Variants in GYS2 observed in about 807,000 individuals in gnomAD.
GYS2 encodes glycogen synthase 2, also known as glycogen [starch] synthase, liver.
In GYS2, 80 loss-of-function variants were observed where a neutral mutation model predicts 85.6. The observed-to-expected ratio is 0.93, with a 90% confidence interval of 0.78 to 1.13. The LOEUF is 1.13. Among genes scored for constraint, GYS2 ranks in the 50% most tolerant of loss-of-function variants. GYS2 has a pLI of 0.00. For missense variants in GYS2, 881 were observed against 854.9 expected, an observed-to-expected ratio of 1.03 and a Z score of -0.38; for synonymous variants, 328 against 300.7, an observed-to-expected ratio of 1.09 and a Z score of -0.94.
At position 21,552,345 on chromosome 12, in the gene GYS2, A is replaced by T. The variant is rs192665289; in HGVS notation, c.1422+5855T>A. Among the ~76,000 whole-genome samples, 613 of 152,338 alleles carry T rather than the reference A, an allele frequency of 4.0e-3. 6 individuals carry two copies. Among genetic ancestry groups the T allele is most frequent in the Middle Eastern group, 0.01 (3 of 294 alleles). ...CACTACGTAGCTAAGGCAAAATGAT[A>T]AATAAATTCAAATTCAAAATGATCT... On this transcript the variant is annotated intron_variant, in intron 11 of 15. Transcript: ENST00000261195.
Position 21,559,639 on chromosome 12 carries a change from T to G in GYS2, c.1229+12A>C. On this transcript the variant is annotated intron_variant, in intron 9 of 15. Coordinates refer to ENST00000261195, the MANE Select transcript of GYS2 (RefSeq NM_021957.4). The stretch of plus-strand genomic sequence containing the variant: ...TTAAGTGATTGAAGTAGAAAGCATT[T>G]CAAGCACCTACCTTAATAATGCATC... 7.0e-7 allele frequency: 1 copy of G among 1,433,356 alleles called. No individual in the cohort carries two copies. The highest frequency in any genetic ancestry group is 9.9e-7 in the Non-Finnish European group (1 of 1,014,576). The allele number at this position is 1,433,356 out of a possible 1,614,324, so 88.8% of individuals were successfully genotyped here.
chr12:21,559,045 G>C (rs1275591943), intron 10 of GYS2, 46 bp downstream of exon 10: 2 of 1,083,172 alleles, frequency 1.8e-6, no homozygotes, highest in Non-Finnish European at 2.8e-6. Flanking sequence ...TGATTAGATA[G>C]AATTTAATAA....
At chr12:21,592,733 G>C (rs1252995843) in intron 1 of GYS2, among the ~76,000 whole-genome samples, 1 of 152,010 alleles carries the variant, frequency 6.6e-6, no homozygotes, top group African/African-American at 2.4e-5. Context: ...AGATCATCTA[G>C]ACAGAAAATT....
At chr12:21,579,387 T>C (rs7977593) in intron 2 of GYS2, among the ~76,000 whole-genome samples, 139,151 of 143,252 alleles carry the variant, frequency 0.97, 67,740 homozygotes, top group East Asian at 1. Context: ...AAGTTTCACT[T>C]TTGTTGCCCA....
intron 1 of GYS2, among the ~76,000 whole-genome samples, chr12:21,600,250 G>A (rs1034900267): frequency 6.6e-6 from 1 of 152,078 alleles, no homozygotes; most frequent in Admixed American, 6.6e-5. Context: ...AGCCTCTCAG[G>A]TAGCTAGGAC....
chr12:21,562,871 A>C, intron 7 of GYS2, 47 bp downstream of exon 7: 1 of 1,607,106 alleles, frequency 6.2e-7, no homozygotes, highest in Non-Finnish European at 8.5e-7. Flanking sequence ...CCACAGAAGA[A>C]AGTTCTCCCT....
At chr12:21,554,001 C>G (rs912238821) in intron 11 of GYS2, among the ~76,000 whole-genome samples, 3 of 152,072 alleles carry the variant, frequency 2.0e-5, no homozygotes, top group African/African-American at 7.2e-5. Context: ...CACTGCTTTT[C>G]CCCTGTGTGA....
At chr12:21,570,438 G>A (rs1027445773) in intron 4 of GYS2, among the ~76,000 whole-genome samples, 3 of 152,284 alleles carry the variant, frequency 2.0e-5, no homozygotes, top group Non-Finnish European at 2.9e-5. Flanking sequence ...GCTGAAGGTA[G>A]GCAAAATTAT....
At chr12:21,576,134 A>G in intron 2 of GYS2, 77 bp from the exon 3 acceptor site, 1 of 1,162,982 alleles carries the variant, frequency 8.6e-7, no homozygotes, top group Non-Finnish European at 1.3e-6. Context: ...CTCTGAGGAT[A>G]TAAACTTTAT....
intron 11 of GYS2, among the ~76,000 whole-genome samples, chr12:21,552,657 G>A (rs147954008): frequency 8.3e-4 from 127 of 152,286 alleles, no homozygotes; most frequent in African/African-American, 2.9e-3. Context: ...GATAATAAAT[G>A]AGCATCTCAA....
chr12:21,540,269 ATT>A lies in GYS2; in HGVS notation c.1809+139_1809+140del, dbSNP rs1228932950. On this transcript the variant is annotated intron_variant, in intron 14 of 15. Coordinates refer to ENST00000261195, the MANE Select transcript of GYS2 (RefSeq NM_021957.4). The stretch of plus-strand genomic sequence containing the variant: ...ATATAGGACTTTGTAAACTTATTAA[ATT>A]TTAAAAAGTACATGGAGACACTGAG... 6.1e-6 allele frequency: 5 copies of A among 817,112 alleles called. No individual in the cohort carries two copies. In the East Asian group the frequency reaches 1.2e-4, roughly 20 times the overall value. The allele number at this position is 817,112 out of a possible 1,614,324, so 50.6% of individuals were successfully genotyped here.
At chr12:21,558,352 G>A (rs756336986) in intron 10 of GYS2, 39 bp from the exon 11 acceptor site, 2 of 1,258,630 alleles carry the variant, frequency 1.6e-6, no homozygotes, top group Admixed American at 3.4e-5. Context: ...ATTGCGGAAA[G>A]AATTAATAAG....
Position 21,580,498 on chromosome 12 carries a change from C to A in GYS2, c.147G>T (p.Gln49His), listed in dbSNP as rs1229680625. ...CATCTGCTGTTGTTTTGGCCTTTGT[C>A]TGAATCACAGTATAGATGCCTCCAA... is the stretch of plus-strand genomic sequence containing the variant. ...NKVGGIYTVI[Q>H]TKAKTTADEW... Residue 49 changes from glutamine to histidine, a missense_variant, in exon 2 of 16, where the codon CAG (glutamine) becomes CAT (histidine). Transcript: ENST00000261195. The A allele has an allele frequency of 6.2e-7, 1 of 1,613,240 alleles. No homozygotes were observed. Among genetic ancestry groups the A allele is most frequent in the African/African-American group, 1.3e-5 (1 of 74,890 alleles).
chr12:21,546,772 C>T (rs1251271547), intron 11 of GYS2, among the ~76,000 whole-genome samples: 6 of 152,120 alleles, frequency 3.9e-5, no homozygotes, highest in Non-Finnish European at 7.4e-5. Flanking sequence ...TCCTCCAGTC[C>T]AGCTTTGACA....
At chr12:21,574,008 G>T (rs1334517122) in intron 4 of GYS2, 136 bp downstream of exon 4, 5 of 725,530 alleles carry the variant, frequency 6.9e-6, no homozygotes, top group Non-Finnish European at 1.2e-5. Context: ...GGGAAGCTTT[G>T]TCATGAATAT....
chr12:21,565,033 T>C (rs1944301177), intron 5 of GYS2, among the ~76,000 whole-genome samples: 1 of 152,052 alleles, frequency 6.6e-6, no homozygotes, highest in Admixed American at 6.5e-5. Flanking sequence ...TTATTATGGA[T>C]TGTAATCCTC....
downstream of GYS2, chr12:21,532,974 T>C (rs1176149036): frequency 6.6e-6 from 1 of 152,238 alleles, no homozygotes; most frequent in East Asian, 1.9e-4. Flanking sequence ...AACTCTCTTA[T>C]GGTGTCTATA....
At chr12:21,599,264 T>A (rs1052577582) in intron 1 of GYS2, among the ~76,000 whole-genome samples, 1 of 152,126 alleles carries the variant, frequency 6.6e-6, no homozygotes, top group African/African-American at 2.4e-5. Flanking sequence ...CAAAACACAG[T>A]TGCAGAAGCA....
rs572734374 is a variant in GYS2 at position 21,603,729 on chromosome 12, T to C, written c.121+743A>G. Among the ~76,000 whole-genome samples the C allele has an allele frequency of 3.3e-5, 5 of 152,252 alleles. No individual in the cohort carries two copies. In the South Asian group the frequency reaches 1.0e-3, roughly 32 times the overall value. Reference sequence around the variant, plus strand: ...TTTGCTAATGTTCCTTCAATAGTCTTGACACTTTTAAACTAGAGAGTATAA... The same window carrying C: ...TTTGCTAATGTTCCTTCAATAGTCTCGACACTTTTAAACTAGAGAGTATAA... On this transcript the variant is annotated intron_variant, in intron 1 of 15. Transcript: ENST00000261195.
Sources: gnomAD v4.1 joint callset for allele counts (sites outside exome capture counted in the v4.1 genomes callset) on GRCh38, gnomAD v4.1.1 for gene constraint, MANE v1.5 for transcripts, NCBI Gene and HGNC (gene_info 2026-07-23, HGNC 2026-07-21) for gene names.